Variants in MGAT4C observed in about 807,000 individuals in gnomAD.
MGAT4C encodes MGAT4 family member C.
MGAT4C carries 19 observed loss-of-function variants against 40.1 expected under a neutral mutation model. The ratio of observed to expected loss-of-function variants is 0.47; its 90% CI spans 0.33 to 0.70. MGAT4C has a LOEUF of 0.70. MGAT4C is among the 30% of genes least tolerant of loss of function. The pLI, the probability that MGAT4C is intolerant of heterozygous loss-of-function variation, is 0.02. For synonymous variants in MGAT4C, 181 were observed against 187.1 expected (o/e 0.97, Z 0.27); for missense variants, 491 against 563.2 (o/e 0.87, Z 1.30).
intron 1 of MGAT4C, among the ~76,000 whole-genome samples, chr12:86,755,984 T>C (rs1951298372): frequency 6.6e-6 from 1 of 151,672 alleles, no homozygotes; most frequent in Non-Finnish European, 1.5e-5. Flanking sequence ...AAGATAATCA[T>C]AATCATTAAT....
At chr12:86,271,559 G>A (rs1166597395) in intron 4 of MGAT4C, among the ~76,000 whole-genome samples, 1 of 152,112 alleles carries the variant, frequency 6.6e-6, no homozygotes, top group African/African-American at 2.4e-5. Context: ...ACATATTGTT[G>A]GTGGGGGTGC....
At chr12:86,700,322 TAG>T (rs946716899) in intron 2 of MGAT4C, among the ~76,000 whole-genome samples, 1 of 151,930 alleles carries the variant, frequency 6.6e-6, no homozygotes, top group African/African-American at 2.4e-5. Flanking sequence ...GAGTTAATTT[TAG>T]AGAGAGAGAC....
chr12:86,510,357 G>A (rs1378681286), intron 2 of MGAT4C, among the ~76,000 whole-genome samples: 2 of 152,094 alleles, frequency 1.3e-5, no homozygotes, highest in African/African-American at 4.8e-5. Context: ...ACATGGAAAG[G>A]AAAAACCGGT....
chr12:86,374,131 G>GAA (rs1237902166), intron 3 of MGAT4C, among the ~76,000 whole-genome samples: 7 of 151,964 alleles, frequency 4.6e-5, no homozygotes, highest in Admixed American at 3.9e-4. Flanking sequence ...AAAGTCATGA[G>GAA]CAAAAACAGA....
At chr12:86,120,363 T>G (rs1428330474) in intron 1 of MGAT4C, among the ~76,000 whole-genome samples, 1 of 152,046 alleles carries the variant, frequency 6.6e-6, no homozygotes, top group Non-Finnish European at 1.5e-5. Flanking sequence ...GACTTAAACT[T>G]CCCAGTCTGA....
chr12:85,992,448 T>C (rs529406422), intron 2 of MGAT4C, among the ~76,000 whole-genome samples: 1 of 152,332 alleles, frequency 6.6e-6, no homozygotes, highest in South Asian at 2.1e-4. Flanking sequence ...ATTAGGGTGT[T>C]GGCACTTGGA....
At chr12:86,545,597 T>A (rs1368007095) in intron 2 of MGAT4C, among the ~76,000 whole-genome samples, 2 of 151,990 alleles carry the variant, frequency 1.3e-5, no homozygotes, top group Non-Finnish European at 2.9e-5. Context: ...TGATTTTCAA[T>A]TACCATATGT....
At chr12:86,013,779 A>AT in intron 2 of MGAT4C, 1 of 963,070 alleles carries the variant, frequency 1.0e-6, no homozygotes, top group Non-Finnish European at 1.2e-6. Flanking sequence ...AAAAAAAAAA[A>AT]GACTTTCTTA....
chr12:86,364,486 T>C (rs988861224), intron 3 of MGAT4C, among the ~76,000 whole-genome samples: 11 of 152,108 alleles, frequency 7.2e-5, no homozygotes, highest in Admixed American at 2.0e-4. Flanking sequence ...TGGTGAGATA[T>C]AGGGATCCAT....
intron 4 of MGAT4C, among the ~76,000 whole-genome samples, chr12:86,283,552 A>C (rs1953273423): frequency 1.3e-5 from 2 of 152,094 alleles, no homozygotes; most frequent in Non-Finnish European, 2.9e-5. Flanking sequence ...CTTCTTAACT[A>C]TTCTAGTTTT....
intron 1 of MGAT4C, among the ~76,000 whole-genome samples, chr12:86,073,989 G>T (rs779013376): frequency 3.9e-5 from 6 of 152,090 alleles, no homozygotes; most frequent in Non-Finnish European, 7.4e-5. Flanking sequence ...AGTTTGAATT[G>T]TACCTCCCAG....
At chr12:85,983,423 A>G in intron 4 of MGAT4C, 100 bp downstream of exon 4, 1 of 1,088,118 alleles carries the variant, frequency 9.2e-7, no homozygotes, top group Non-Finnish European at 1.2e-6. Context: ...TTATTATATT[A>G]GTAAAGCCCT....
At position 85,979,726 on chromosome 12, in the gene MGAT4C, ACTC is replaced by A. The variant is rs1228884870; in HGVS notation, c.997_999del (p.Glu333del). On this transcript the variant is annotated inframe_deletion, in exon 5 of 5. Coordinates refer to ENST00000611864, the MANE Select transcript of MGAT4C (RefSeq NM_001351288.2). ...GGGGGGTTATCAGGAATGTCAAATG[ACTC>A]CTCTTCAAAATCATCATCCTTCAGC... 1 of 1,613,138 alleles carries A rather than the reference ACTC, an allele frequency of 6.2e-7. No homozygotes were observed. Among genetic ancestry groups the A allele is most frequent in the East Asian group, 2.2e-5 (1 of 44,848 alleles).
At chr12:86,093,587 G>C (rs978154547) in intron 1 of MGAT4C, among the ~76,000 whole-genome samples, 2 of 151,992 alleles carry the variant, frequency 1.3e-5, no homozygotes, top group Non-Finnish European at 2.9e-5. Context: ...AATTAGCTGG[G>C]TGTGGTGGTA....
chr12:86,661,177 G>GA (rs1963971599), intron 2 of MGAT4C, among the ~76,000 whole-genome samples: 1 of 150,026 alleles, frequency 6.7e-6, no homozygotes, highest in African/African-American at 2.5e-5. Context: ...ATTTATAAAG[G>GA]AAAAAAATGT....
chr12:86,645,202 T>G (rs1284216750), intron 2 of MGAT4C, among the ~76,000 whole-genome samples: 1 of 151,538 alleles, frequency 6.6e-6, no homozygotes, highest in Non-Finnish European at 1.5e-5. Context: ...CAAGAAAAAG[T>G]TCTAATTGAA....
intron 1 of MGAT4C, among the ~76,000 whole-genome samples, chr12:86,185,801 C>T (rs531890680): frequency 3.3e-5 from 5 of 152,066 alleles, no homozygotes; most frequent in East Asian, 1.9e-4. Context: ...TGTAAGAACA[C>T]GAGTATTTTA....
chr12:86,189,297 C>T (rs1277796307), intron 1 of MGAT4C, among the ~76,000 whole-genome samples: 2 of 151,792 alleles, frequency 1.3e-5, no homozygotes. Context: ...TGAAATGTCA[C>T]CTAAAACATT....
At chr12:86,028,282 A>C in intron 2 of MGAT4C, 4 of 751,818 alleles carry the variant, frequency 5.3e-6, no homozygotes, top group Non-Finnish European at 7.7e-6. Flanking sequence ...CTAGTAATTG[A>C]CAGCATTCCC....
Sources: allele counts gnomAD v4.1 joint callset (sites outside exome capture counted in the v4.1 genomes callset), GRCh38; gene constraint gnomAD v4.1.1; transcripts MANE v1.5; gene names NCBI Gene and HGNC (gene_info 2026-07-23, HGNC 2026-07-21).